The following MAN1A1 variants were observed in gnomAD, a reference collection of about 807,000 sequenced individuals.
The protein encoded by MAN1A1 is mannosidase alpha class 1A member 1.
MAN1A1 carries 29 observed loss-of-function variants against 70.8 expected under a neutral mutation model. The observed-to-expected ratio is 0.41, with a 90% confidence interval of 0.31 to 0.56. The LOEUF is 0.56. Ranked by LOEUF, MAN1A1 falls within the 20% of genes least tolerant of loss-of-function variation. The pLI is 0.29. For synonymous variants in MAN1A1, 349 were observed against 330.1 expected (o/e 1.06, Z -0.62); for missense variants, 747 against 841.3 (o/e 0.89, Z 1.39).
Position 119,274,434 on chromosome 6 carries a change from C to T in MAN1A1, c.897+16249G>A, listed in dbSNP as rs550930274. On this transcript the variant is annotated intron_variant, in intron 5 of 12. Coordinates refer to ENST00000368468, the MANE Select transcript of MAN1A1 (RefSeq NM_005907.4). Reference sequence around the variant, plus strand: ...AGTTCTCTAATTACATAAAAGCATACCAATTGTATTGGTAAGCCTTCAAAA... The same window carrying T: ...AGTTCTCTAATTACATAAAAGCATATCAATTGTATTGGTAAGCCTTCAAAA... 4.3e-4 allele frequency among the ~76,000 whole-genome samples: 66 copies of T among 152,252 alleles called. 2 individuals are homozygous for T. The South Asian group carries it at 0.013, about 31-fold the overall frequency.
intron 3 of MAN1A1, 25 bp from the exon 4 acceptor site, chr6:119,302,128 A>T: frequency 1.7e-6 from 2 of 1,156,468 alleles, no homozygotes; most frequent in Non-Finnish European, 2.6e-6. Flanking sequence ...AAAATATTTG[A>T]TAAAATACTT....
chr6:119,324,210 G>A (rs1460607671), intron 2 of MAN1A1, among the ~76,000 whole-genome samples: 2 of 152,186 alleles, frequency 1.3e-5, no homozygotes, highest in African/African-American at 4.8e-5. Flanking sequence ...GACAAGGAAT[G>A]AAGACATTTA....
chr6:119,228,233 A>G lies in MAN1A1; in HGVS notation c.992+20027T>C, dbSNP rs896636925. On this transcript the variant is annotated intron_variant, in intron 6 of 12. Coordinates refer to ENST00000368468, the MANE Select transcript of MAN1A1 (RefSeq NM_005907.4). ...TTATTCCTCAATAACTTAACTGAAG[A>G]AAGTTTTACCTTTAGTTTAAGAGCA... 3.1e-4 allele frequency among the ~76,000 whole-genome samples: 47 copies of G among 152,302 alleles called. 1 individual carries two copies. Among genetic ancestry groups the G allele is most frequent in the African/African-American group, 1.1e-3 (46 of 41,578 alleles).
At chr6:119,189,512 T>A (rs1773381259) in intron 10 of MAN1A1, 152 bp downstream of exon 10, 2 of 722,236 alleles carry the variant, frequency 2.8e-6, no homozygotes, top group East Asian at 5.2e-5. Context: ...GCATTGCCTT[T>A]TAAAATAAAA....
Position 119,348,744 on chromosome 6 carries a change from C to A in MAN1A1, c.322G>T (p.Gly108Trp). Residue 108 changes from glycine to tryptophan, a missense_variant, in exon 2 of 13, where the codon GGG becomes TGG. Transcript: ENST00000368468. ...AEGRARRREE[G>W]APGDPEAALE... Reference sequence around the variant, plus strand: ...GCGGCCTCCGGGTCCCCGGGTGCCCCCTCCTCGCGGCGCCGGGCTCGCCCC... The same window carrying A: ...GCGGCCTCCGGGTCCCCGGGTGCCCACTCCTCGCGGCGCCGGGCTCGCCCC... 2 of 1,565,468 alleles carry A rather than the reference C, an allele frequency of 1.3e-6. No individual in the cohort carries two copies. Among genetic ancestry groups the A allele is most frequent in the South Asian group, 1.2e-5 (1 of 85,872 alleles).
chr6:119,275,685 G>A (rs952110441), intron 5 of MAN1A1, among the ~76,000 whole-genome samples: 4 of 151,886 alleles, frequency 2.6e-5, no homozygotes, highest in African/African-American at 7.3e-5. Context: ...CAGGTGATTC[G>A]CTCGCCTTGG....
At chr6:119,252,743 G>A (rs1274463486) in intron 5 of MAN1A1, among the ~76,000 whole-genome samples, 1 of 152,034 alleles carries the variant, frequency 6.6e-6, no homozygotes, top group Non-Finnish European at 1.5e-5. Flanking sequence ...AGTGAGCCGA[G>A]ACTGCGTCAC....
chr6:119,253,293 C>A (rs192617008), intron 5 of MAN1A1, among the ~76,000 whole-genome samples: 1 of 152,228 alleles, frequency 6.6e-6, no homozygotes, highest in East Asian at 1.9e-4. Flanking sequence ...CCTGGTGAAA[C>A]CATTATATCT....
intron 5 of MAN1A1, among the ~76,000 whole-genome samples, chr6:119,277,050 A>G (rs999640621): frequency 3.3e-5 from 5 of 152,232 alleles, no homozygotes; most frequent in African/African-American, 9.6e-5. Context: ...CTTCAGAGGA[A>G]TCGGATACTT....
chr6:119,297,197 G>C (rs1772238907), intron 4 of MAN1A1, among the ~76,000 whole-genome samples: 1 of 152,126 alleles, frequency 6.6e-6, no homozygotes, highest in Non-Finnish European at 1.5e-5. Context: ...CTACAAATCT[G>C]TTCTGGAAAT....
chr6:119,197,509 G>GTT (rs1230449781), intron 8 of MAN1A1, among the ~76,000 whole-genome samples: 2 of 152,116 alleles, frequency 1.3e-5, no homozygotes, highest in Non-Finnish European at 2.9e-5. Flanking sequence ...TCAGGAAAAG[G>GTT]TTTGTGATAG....
In MAN1A1 at chr6:119,334,452, C is replaced by T. The variant is rs182060374; in HGVS notation, c.603+14011G>A. 4.8e-3 allele frequency among the ~76,000 whole-genome samples: 737 copies of T among 152,262 alleles called. 4 individuals are homozygous for T. Among genetic ancestry groups the T allele is most frequent in the African/African-American group, 0.017 (699 of 41,550 alleles). ...GAATCATAAGAACTTAAGTGTACCT[C>T]GTATGTTAAGACTAAAACAGCCAAA... On this transcript the variant is annotated intron_variant, in intron 2 of 12. Coordinates refer to ENST00000368468, the MANE Select transcript of MAN1A1 (RefSeq NM_005907.4).
intron 3 of MAN1A1, among the ~76,000 whole-genome samples, chr6:119,305,106 A>G (rs945956709): frequency 9.2e-5 from 14 of 152,196 alleles, no homozygotes; most frequent in Non-Finnish European, 1.9e-4. Flanking sequence ...CCTTATGCTA[A>G]TACCTGAAGC....
chr6:119,229,078 T>C lies in MAN1A1; in HGVS notation c.992+19182A>G, dbSNP rs372034067. ...GTAACTAGTATACACGTGTAATAAA[T>C]GACTTACCTCAAATTATTTTCAAAT... On this transcript the variant is annotated intron_variant, in intron 6 of 12. Coordinates refer to ENST00000368468, the MANE Select transcript of MAN1A1 (RefSeq NM_005907.4). 4.6e-5 allele frequency among the ~76,000 whole-genome samples: 7 copies of C among 152,294 alleles called. No individual in the cohort carries two copies. In the East Asian group the frequency reaches 1.2e-3, roughly 25 times the overall value.
intron 6 of MAN1A1, among the ~76,000 whole-genome samples, chr6:119,241,696 C>T (rs998138437): frequency 3.3e-5 from 5 of 152,062 alleles, no homozygotes; most frequent in Non-Finnish European, 7.4e-5. Context: ...AATAGGGAAA[C>T]GTTTTAAACC....
At chr6:119,266,844 A>G (rs763176933) in intron 5 of MAN1A1, among the ~76,000 whole-genome samples, 5 of 152,250 alleles carry the variant, frequency 3.3e-5, no homozygotes, top group Non-Finnish European at 5.9e-5. Flanking sequence ...TGTATCTAAT[A>G]AAGAACTGTT....
intron 2 of MAN1A1, among the ~76,000 whole-genome samples, chr6:119,318,972 A>C: frequency 6.6e-6 from 1 of 152,236 alleles, no homozygotes; most frequent in East Asian, 1.9e-4. Context: ...TTGAATGTCA[A>C]TAATACTCTA....
chr6:119,262,695 G>GT (rs1428397672), intron 5 of MAN1A1, among the ~76,000 whole-genome samples: 2 of 152,090 alleles, frequency 1.3e-5, no homozygotes, highest in Non-Finnish European at 2.9e-5. Context: ...ATTGTGCACT[G>GT]TTCATAATAG....
chr6:119,180,499 T>C, intron 11 of MAN1A1, 72 bp from the exon 12 acceptor site: 1 of 836,770 alleles, frequency 1.2e-6, no homozygotes, highest in Non-Finnish European at 2.0e-6. Context: ...TATTATTAGA[T>C]TGTCAAGTTC....
Sources: gnomAD v4.1 joint callset for allele counts (sites outside exome capture counted in the v4.1 genomes callset) on GRCh38, gnomAD v4.1.1 for gene constraint, MANE v1.5 for transcripts, NCBI Gene and HGNC (gene_info 2026-07-23, HGNC 2026-07-21) for gene names.